Variants in CDK10 observed in about 807,000 individuals in gnomAD.
CDK10 encodes the protein cyclin dependent kinase 10.
Under a neutral mutation model 51.0 loss-of-function variants are expected in CDK10, and 55 were observed. The observed-to-expected ratio is 1.08, with a 90% CI of 0.87 to 1.35. The LOEUF (loss-of-function observed/expected upper bound fraction) is 1.35, where lower values mean the gene tolerates loss of function less well. Among genes scored for constraint, CDK10 ranks in the 40% most tolerant of loss-of-function variants. CDK10 has a pLI of 0.00. For missense variants in CDK10, 589 were observed against 485.1 expected (o/e 1.21, Z -2.01); for synonymous variants, 255 against 199.1 (o/e 1.28, Z -2.36).
In CDK10 at chr16:89,695,277, A is replaced by C. The variant is rs760640472; in HGVS notation, c.933-16A>C. On this transcript the variant is annotated splice_polypyrimidine_tract_variant and intron_variant, in intron 11 of 12. Transcript: ENST00000353379. ...CCGCACTCACAAGTCGCACTAACGC[A>C]GGCTGCCTCCTCCAGGGCGACGGCC... 2.7e-5 allele frequency: 43 copies of C among 1,606,132 alleles called. No homozygotes were observed. In the East Asian group the frequency reaches 6.3e-4, roughly 23 times the overall value.
chr16:89,689,509 G>A (rs16964566), intron 2 of CDK10, 185 bp downstream of exon 2: 2 of 600,294 alleles, frequency 3.3e-6, no homozygotes, highest in African/African-American at 1.9e-5. Flanking sequence ...TACCATTTCT[G>A]GGTAAACGTA....
chr16:89,691,985 GCTGCTGC>G, intron 5 of CDK10, 98 bp downstream of exon 5: 2 of 950,692 alleles, frequency 2.1e-6, no homozygotes, highest in Non-Finnish European at 3.2e-6. Flanking sequence ...TTGAAGAGCT[GCTGCTGC>G]CTCTGCCTCC....
chr16:89,694,478 C>G (rs1339691035), intron 9 of CDK10, 187 bp from the exon 10 acceptor site: 3 of 1,089,536 alleles, frequency 2.8e-6, no homozygotes, highest in African/African-American at 3.1e-5. Context: ...GCACTTGTCA[C>G]CCCGGGAGGC....
At chr16:89,690,325 C>T in intron 2 of CDK10, 1 of 575,838 alleles carries the variant, frequency 1.7e-6, no homozygotes, top group South Asian at 2.0e-5. Context: ...GGGTCCAGCA[C>T]AGAGCAAAGT....
chr16:89,689,638 C>G (rs1368720141), intron 2 of CDK10: 6 of 319,490 alleles, frequency 1.9e-5, no homozygotes, highest in African/African-American at 1.3e-4. Flanking sequence ...GTGCTCATGT[C>G]TATCACCTCA....
rs2060700231 is a variant in CDK10 at position 89,695,833 on chromosome 16, TCCCACTGTCTGCCCTGAA to T, written c.*149_*166del. The T allele has an allele frequency of 1.8e-5, 28 of 1,527,852 alleles. No homozygotes were observed. The highest frequency in any genetic ancestry group is 2.3e-5 in the Non-Finnish European group (26 of 1,135,872). 94.6% of individuals were successfully genotyped at this position (1,527,852 alleles called of 1,614,324 possible). On this transcript the variant is annotated 3_prime_UTR_variant, in exon 13 of 13. Transcript: ENST00000353379. ...CTGGGAACATCCTCCACTGACTTCC[TCCCACTGTCTGCCCTGAA>T]CCCACTGCTGCCCCCAGAAAAAGGC... is the stretch of plus-strand genomic sequence containing the variant.
chr16:89,690,214 T>A (rs2060380549), intron 2 of CDK10: 2 of 307,046 alleles, frequency 6.5e-6, no homozygotes, highest in Non-Finnish European at 1.2e-5. Flanking sequence ...TAGAGTACCT[T>A]ATTTGCTTTT....
chr16:89,690,289 C>A, intron 2 of CDK10: 1 of 511,296 alleles, frequency 2.0e-6, no homozygotes, highest in Non-Finnish European at 3.5e-6. Context: ...GAGCCTGGAG[C>A]CACAGAACTG....
At chr16:89,693,496 T>C (rs1344916373) in intron 8 of CDK10, 29 bp downstream of exon 8, 1 of 1,609,020 alleles carries the variant, frequency 6.2e-7, no homozygotes, top group Non-Finnish European at 8.5e-7. Context: ...TGGTGGCCCC[T>C]GGGGACCAGG....
chr16:89,686,875 C>A, intron 1 of CDK10, 78 bp downstream of exon 1: 4 of 1,233,896 alleles, frequency 3.2e-6, no homozygotes, highest in South Asian at 2.6e-5. Flanking sequence ...AGCCTCGTGT[C>A]GCGCTGCCGC....
chr16:89,692,600 G>A (rs2060501992), intron 6 of CDK10, 84 bp downstream of exon 6: 2 of 1,022,736 alleles, frequency 2.0e-6, no homozygotes, highest in South Asian at 1.8e-5. Context: ...TAAAAGCTCA[G>A]GGGTTCCCAG....
chr16:89,692,576 C>A, intron 6 of CDK10, 60 bp downstream of exon 6: 1 of 1,282,150 alleles, frequency 7.8e-7, no homozygotes, highest in South Asian at 1.4e-5. Context: ...ACTCTGCTGC[C>A]CCTGTGGAGT....
Position 89,693,622 on chromosome 16 carries a change from G to C in CDK10, c.608+155G>C, listed in dbSNP as rs552399291. 4.2e-6 allele frequency: 3 copies of C among 711,694 alleles called. No individual in the cohort carries two copies. In the African/African-American group the frequency reaches 5.3e-5, roughly 13 times the overall value. 44.1% of individuals were successfully genotyped at this position (711,694 alleles called of 1,614,324 possible). ...AACGTTGGGTCTAGGACAGCCTCCA[G>C]GACACAGCAGGGCTGTGCCACAAAA... is the stretch of plus-strand genomic sequence containing the variant. On this transcript the variant is annotated intron_variant, in intron 8 of 12. Coordinates refer to ENST00000353379, the MANE Select transcript of CDK10 (RefSeq NM_052988.5).
At chr16:89,688,077 CTTTTTT>C (rs35911494) in intron 1 of CDK10, among the ~76,000 whole-genome samples, 6 of 75,414 alleles carry the variant, frequency 8.0e-5, no homozygotes, top group South Asian at 5.4e-4. Context: ...GCTACGTGTG[CTTTTTT>C]TTTTTTTTTT....
Position 89,689,290 on chromosome 16 carries a change from G to C in CDK10, c.126G>C (p.Leu42=). The C allele has an allele frequency of 6.2e-7, 1 of 1,614,106 alleles. No homozygotes were observed. The highest frequency in any genetic ancestry group is 8.5e-7 in the Non-Finnish European group (1 of 1,179,994). Residue 42 remains leucine, a synonymous_variant, in exon 2 of 13, where the codon CTG becomes CTC. Transcript: ENST00000353379. ...RCRSVKEFEK[L]NRIGEGTYGI... ...GGAGTGTGAAGGAGTTTGAGAAGCT[G>C]AACCGCATTGGAGAGGGTACCTACG... is the stretch of plus-strand genomic sequence containing the variant.
chr16:89,693,959 T>G, intron 8 of CDK10: 1 of 612,950 alleles, frequency 1.6e-6, no homozygotes, highest in South Asian at 1.9e-5. Context: ...CCGTGGTCCC[T>G]GCGACTCTCA....
Position 89,694,677 on chromosome 16 carries a change from C to T in CDK10, c.681C>T (p.Cys227=), listed in dbSNP as rs760822178. The T allele has an allele frequency of 1.4e-5, 22 of 1,589,742 alleles. No individual in the cohort carries two copies. The highest frequency in any genetic ancestry group is 1.8e-5 in the Admixed American group (1 of 57,050). The part of the protein sequence containing the change: ...TTSIDMWAVG[C]ILAELLAHRP... ...CTGTTCTCTGCAGGGCTGTGGGCTG[C>T]ATACTGGCCGAGCTGCTGGCGCACA... Residue 227 remains cysteine (C), a synonymous_variant, in exon 10 of 13, where the codon TGC becomes TGT. Transcript: ENST00000353379.
Position 89,689,323 on chromosome 16 carries a change from G to C in CDK10, c.159G>C (p.Val53=). ...TTGGAGAGGGTACCTACGGCATTGT[G>C]TGTGAGTGGCCAAGGCTAGGACATG... ...NRIGEGTYGI[V]YRARDTQTDE... Residue 53 remains valine, a splice_region_variant and synonymous_variant, in exon 2 of 13, where the codon GTG becomes GTC. Transcript: ENST00000353379. 1 of 1,613,718 alleles carries C rather than the reference G, an allele frequency of 6.2e-7. No individual in the cohort carries two copies. Among genetic ancestry groups the C allele is most frequent in the Non-Finnish European group, 8.5e-7 (1 of 1,179,634 alleles).
At chr16:89,686,877 C>G in intron 1 of CDK10, 80 bp downstream of exon 1, 1 of 1,236,836 alleles carries the variant, frequency 8.1e-7, no homozygotes, top group Non-Finnish European at 1.1e-6. Flanking sequence ...CCTCGTGTCG[C>G]GCTGCCGCGC....
Sources: allele counts gnomAD v4.1 joint callset (sites outside exome capture counted in the v4.1 genomes callset), GRCh38; gene constraint gnomAD v4.1.1; transcripts MANE v1.5; gene names NCBI Gene and HGNC (gene_info 2026-07-23, HGNC 2026-07-21).